The following NBEA variants were observed in gnomAD, a reference collection of about 807,000 sequenced individuals.
NBEA encodes neurobeachin.
A neutral mutation model predicts 343.4 loss-of-function variants in NBEA; 44 were observed. The observed-to-expected ratio is 0.13, with a 90% CI of 0.10 to 0.16. The LOEUF (loss-of-function observed/expected upper bound fraction) is 0.16, where lower values mean the gene tolerates loss of function less well. Among genes scored for constraint, NBEA ranks in the 10% least tolerant of loss-of-function variants. The pLI, the probability that NBEA is intolerant of heterozygous loss-of-function variation, is 1.00. For missense variants in NBEA, 2,555 were observed against 3,631.3 expected (o/e 0.70, Z 7.62); for synonymous variants, 1,175 against 1,238.7 (o/e 0.95, Z 1.08).
chr13:35,476,524 C>T (rs2075881233), intron 41 of NBEA: 2 of 629,024 alleles, frequency 3.2e-6, no homozygotes, highest in South Asian at 3.9e-5. Flanking sequence ...CCCAGCAAAG[C>T]TCTTCCAGTA....
chr13:35,257,458 CATTA>C (rs1314930280), intron 34 of NBEA, among the ~76,000 whole-genome samples: 4 of 151,982 alleles, frequency 2.6e-5, no homozygotes, highest in Non-Finnish European at 4.4e-5. Flanking sequence ...TTAAAATTTG[CATTA>C]ATTAAGAGCA....
chr13:35,169,071 T>A, intron 25 of NBEA, 76 bp downstream of exon 25: 1 of 1,187,526 alleles, frequency 8.4e-7, no homozygotes, highest in Non-Finnish European at 1.2e-6. Context: ...AATTTTTGAC[T>A]TGGTTATATT....
intron 38 of NBEA, among the ~76,000 whole-genome samples, chr13:35,354,517 A>G (rs781051763): frequency 1.3e-5 from 2 of 152,058 alleles, no homozygotes; most frequent in African/African-American, 2.4e-5. Context: ...CTGACATCTC[A>G]TTAGACTGAC....
intron 2 of NBEA, among the ~76,000 whole-genome samples, chr13:35,041,702 A>C (rs2062656669): frequency 6.6e-6 from 1 of 151,984 alleles, no homozygotes; most frequent in Admixed American, 6.6e-5. Flanking sequence ...ATTCACCAAG[A>C]ATTTCAAGAT....
intron 58 of NBEA, among the ~76,000 whole-genome samples, chr13:35,669,151 G>T (rs977875232): frequency 3.3e-5 from 5 of 152,192 alleles, no homozygotes; most frequent in East Asian, 1.9e-4. Context: ...ATTTTCCATT[G>T]TTCCTCAATT....
chr13:35,206,623 T>A (rs914073621), intron 31 of NBEA, among the ~76,000 whole-genome samples: 1 of 149,374 alleles, frequency 6.7e-6, no homozygotes, highest in African/African-American at 2.5e-5. Flanking sequence ...ATGCCTTATA[T>A]CTCATAGACA....
At chr13:35,253,511 A>G (rs1257560143) in intron 34 of NBEA, among the ~76,000 whole-genome samples, 1 of 152,246 alleles carries the variant, frequency 6.6e-6, no homozygotes, top group Non-Finnish European at 1.5e-5. Flanking sequence ...TTGCTTCATT[A>G]CAGTGGTCTT....
Position 35,349,117 on chromosome 13 carries a change from C to T in NBEA, c.5913C>T (p.Cys1971=). ...IELINEGRLL[C]HAMKDHIVRV... is the part of the protein sequence containing the mutation. The stretch of plus-strand genomic sequence containing the variant: ...GTATTTTTCTTTTTAGATTACTGTG[C>T]CATGCTATGAAGGACCATATAGTCC... The change falls in exon 37 of 59, where the codon TGC becomes TGT. Residue 1971 remains cysteine, a synonymous_variant. Transcript: ENST00000379939. 1 of 1,561,098 alleles carries T rather than the reference C, an allele frequency of 6.4e-7. No individual in the cohort carries two copies. The highest frequency in any genetic ancestry group is 8.7e-7 in the Non-Finnish European group (1 of 1,148,988).
At chr13:35,366,853 A>C (rs2066040) in intron 38 of NBEA, among the ~76,000 whole-genome samples, 45,747 of 151,144 alleles carry the variant, frequency 0.3, 9,187 homozygotes, top group African/African-American at 0.57. Context: ...TAGGAAAATA[A>C]AACTTAGATT....
chr13:35,083,019 C>T (rs1281288433), intron 10 of NBEA, among the ~76,000 whole-genome samples: 1 of 152,050 alleles, frequency 6.6e-6, no homozygotes, highest in Non-Finnish European at 1.5e-5. Context: ...ATGGTATTGC[C>T]TAGGTTTTCT....
chr13:35,356,286 G>GT (rs1340131736), intron 38 of NBEA, among the ~76,000 whole-genome samples: 1 of 152,094 alleles, frequency 6.6e-6, no homozygotes, highest in African/African-American at 2.4e-5. Flanking sequence ...CACAAATCCA[G>GT]TAACATTTTA....
chr13:35,192,781 T>C (rs999441634), intron 30 of NBEA, among the ~76,000 whole-genome samples: 2 of 151,988 alleles, frequency 1.3e-5, no homozygotes, highest in Admixed American at 6.6e-5. Flanking sequence ...TGGTAGCTTG[T>C]GAACACCAAA....
intron 38 of NBEA, among the ~76,000 whole-genome samples, chr13:35,410,013 T>A (rs2043492990): frequency 6.6e-6 from 1 of 152,152 alleles, no homozygotes; most frequent in Non-Finnish European, 1.5e-5. Flanking sequence ...GGGGATCTTT[T>A]TGATTTGATA....
At chr13:34,982,508 C>T (rs1272064431) in intron 1 of NBEA, among the ~76,000 whole-genome samples, 1 of 152,130 alleles carries the variant, frequency 6.6e-6, no homozygotes. Flanking sequence ...ACCATGTTGG[C>T]CAGGCTGGTC....
At chr13:35,461,226 G>A (rs921726779) in intron 40 of NBEA, among the ~76,000 whole-genome samples, 2 of 152,108 alleles carry the variant, frequency 1.3e-5, no homozygotes, top group African/African-American at 4.8e-5. Context: ...TATATAATTT[G>A]CATTTTTTGT....
chr13:35,546,830 G>A (rs895208023), intron 41 of NBEA, among the ~76,000 whole-genome samples: 12 of 152,064 alleles, frequency 7.9e-5, no homozygotes, highest in Admixed American at 5.9e-4. Context: ...TGGGATTACA[G>A]GCGTGAGCCA....
chr13:35,575,286 A>G (rs1383500584), intron 45 of NBEA, among the ~76,000 whole-genome samples: 1 of 152,188 alleles, frequency 6.6e-6, no homozygotes, highest in Non-Finnish European at 1.5e-5. Flanking sequence ...TATTAAGCCA[A>G]TTAACAGTAT....
At chr13:35,247,182 G>A (rs2031335594) in intron 34 of NBEA, among the ~76,000 whole-genome samples, 2 of 152,154 alleles carry the variant, frequency 1.3e-5, no homozygotes, top group African/African-American at 4.8e-5. Flanking sequence ...TGGGTGAGCA[G>A]GGCTGAGAAC....
chr13:35,422,983 G>T (rs1351717154), intron 38 of NBEA, among the ~76,000 whole-genome samples: 3 of 151,938 alleles, frequency 2.0e-5, no homozygotes, highest in South Asian at 2.1e-4. Context: ...TCGCCCATTT[G>T]TTGATGGGGT....
Sources: gnomAD v4.1 joint callset for allele counts (sites outside exome capture counted in the v4.1 genomes callset) on GRCh38, gnomAD v4.1.1 for gene constraint, MANE v1.5 for transcripts, NCBI Gene and HGNC (gene_info 2026-07-23, HGNC 2026-07-21) for gene names.